The following UHRF1 variants were observed in gnomAD, a reference collection of about 807,000 sequenced individuals.
UHRF1 encodes E3 ubiquitin-protein ligase UHRF1.
In UHRF1, 9 loss-of-function variants were observed where a neutral mutation model predicts 96.5. The ratio of observed to expected loss-of-function variants is 0.09; its 90% CI spans 0.06 to 0.16. The LOEUF is 0.16. Ranked by LOEUF, UHRF1 falls within the 10% of genes least tolerant of loss-of-function variation. The probability of loss-of-function intolerance (pLI) is 1.00; values close to 1 mark genes in which losing one functional copy is unlikely to be tolerated. For missense variants in UHRF1, 626 were observed against 1,131.1 expected (o/e 0.55, Z 6.40); for synonymous variants, 455 against 469.9 (o/e 0.97, Z 0.41).
chr19:4,945,792 G>A, intron 9 of UHRF1, 69 bp from the exon 10 acceptor site: 1 of 1,346,240 alleles, frequency 7.4e-7, no homozygotes, highest in Non-Finnish European at 1.0e-6. Context: ...TAGGGAGGAG[G>A]AGGGCGGTGG....
intron 15 of UHRF1, among the ~76,000 whole-genome samples, chr19:4,956,254 T>TG (rs1276542695): frequency 3.9e-5 from 6 of 152,260 alleles, no homozygotes; most frequent in African/African-American, 1.2e-4. Flanking sequence ...TTTGTAGAGA[T>TG]GGGGGTCTCA....
At chr19:4,940,033 A>C (rs1053924573) in intron 5 of UHRF1, among the ~76,000 whole-genome samples, 4 of 152,028 alleles carry the variant, frequency 2.6e-5, no homozygotes, top group Middle Eastern at 3.2e-3. Flanking sequence ...AAAAAAAAAA[A>C]AAAAACACAT....
At chr19:4,960,384 CTT>C (rs1446261460) in intron 16 of UHRF1, among the ~76,000 whole-genome samples, 3 of 152,130 alleles carry the variant, frequency 2.0e-5, no homozygotes, top group African/African-American at 7.2e-5. Flanking sequence ...AGGGAGGTGA[CTT>C]GAGCTGAGCT....
rs1328307855 is a variant in UHRF1 at position 4,911,020 on chromosome 19, G to A, written c.135G>A (p.Leu45=). 1 of 1,605,874 alleles carries A rather than the reference G, an allele frequency of 6.2e-7. No homozygotes were observed. Among genetic ancestry groups the A allele is most frequent in the Admixed American group, 1.7e-5 (1 of 59,370 alleles). Residue 45 remains leucine (L), a synonymous_variant, in exon 2 of 17, where the codon CTG becomes CTA. Coordinates refer to ENST00000650932, the MANE Select transcript of UHRF1 (RefSeq NM_001048201.3). ...LFHVEPGLQR[L]FYRGKQMEDG... ...ACGTGGAGCCAGGCCTGCAGAGGCT[G>A]TTCTACAGGGGCAAACAGGTACACC... is the stretch of plus-strand genomic sequence containing the variant.
rs577477600 is a variant in UHRF1 at position 4,916,965 on chromosome 19, C to A, written c.153+5927C>A. On this transcript the variant is annotated intron_variant, in intron 2 of 16. Transcript: ENST00000650932. ...CTAAAGTTGGAGAACCACTGCTCCC[C>A]AAACCCGGTGGCATTATCTGCCCTG... Among the ~76,000 whole-genome samples, 9 of 152,144 alleles carry A rather than the reference C, an allele frequency of 5.9e-5. No homozygotes were observed. In the South Asian group the frequency reaches 1.7e-3, roughly 28 times the overall value.
In UHRF1 at chr19:4,930,490, G is replaced by A. The variant is rs954086873; in HGVS notation, c.409-226G>A. On this transcript the variant is annotated intron_variant, in intron 3 of 16. Coordinates refer to ENST00000650932, the MANE Select transcript of UHRF1 (RefSeq NM_001048201.3). The surrounding 1 kb of genome is among the most constrained non-coding windows in gnomAD (Gnocchi z 4.4). ...AGCTGTGGCTGAAGCAGAGCCGCAG[G>A]GGCCTTTGTTAAGACAGTCCATGCC... Among the ~76,000 whole-genome samples the A allele has an allele frequency of 6.6e-6, 1 of 152,222 alleles. No individual in the cohort carries two copies. Among genetic ancestry groups the A allele is most frequent in the African/African-American group, 2.4e-5 (1 of 41,470 alleles).
chr19:4,914,677 A>C (rs1227608257), intron 2 of UHRF1, among the ~76,000 whole-genome samples: 4 of 147,176 alleles, frequency 2.7e-5, no homozygotes, highest in Non-Finnish European at 6.0e-5. Flanking sequence ...TTTTGGCTGC[A>C]CATCAAAATA....
chr19:4,912,263 C>T (rs2032311634), intron 2 of UHRF1, among the ~76,000 whole-genome samples: 1 of 152,190 alleles, frequency 6.6e-6, no homozygotes, highest in Admixed American at 6.5e-5. Context: ...CTCCGCCTGG[C>T]GCTCTCTTCC....
chr19:4,931,283 T>A (rs553121000), intron 4 of UHRF1, among the ~76,000 whole-genome samples: 2 of 152,296 alleles, frequency 1.3e-5, no homozygotes, highest in East Asian at 3.9e-4. Context: ...TGGCTGCGTC[T>A]GTCCGTGCTG....
intron 16 of UHRF1, 130 bp downstream of exon 16, chr19:4,956,943 G>T: frequency 1.4e-6 from 1 of 707,312 alleles, no homozygotes; most frequent in South Asian, 1.6e-5. Flanking sequence ...AGCTTTTCTC[G>T]GGGCCCTGTT....
chr19:4,909,186 G>T (rs1039478377), upstream of UHRF1: 10 of 408,118 alleles, frequency 2.5e-5, no homozygotes, highest in Non-Finnish European at 4.4e-5. Flanking sequence ...GGCTGCGAAC[G>T]GACTTGGACT....
At chr19:4,908,200 T>G (rs1182243738), upstream of UHRF1, among the ~76,000 whole-genome samples, 3 of 152,114 alleles carry the variant, frequency 2.0e-5, no homozygotes, top group Non-Finnish European at 4.4e-5. Context: ...CTTTTAGCTG[T>G]GTAAGGCACT....
At chr19:4,909,439 C>T (rs1461907444), upstream of UHRF1, 1 of 653,604 alleles carries the variant, frequency 1.5e-6, no homozygotes, top group South Asian at 1.6e-5. Context: ...GGCGCCCGCC[C>T]CCGGCACGGC....
intron 2 of UHRF1, among the ~76,000 whole-genome samples, chr19:4,926,980 G>C (rs1392910141): frequency 6.6e-6 from 1 of 152,126 alleles, no homozygotes; most frequent in African/African-American, 2.4e-5. Flanking sequence ...GGAGAATGGC[G>C]AACCTGGGAG....
At chr19:4,911,084 C>CGCGCCTCTGCAGCCACCA (rs781263319) in intron 2 of UHRF1, 46 bp downstream of exon 2, 1 of 1,459,036 alleles carries the variant, frequency 6.9e-7, no homozygotes, top group South Asian at 1.4e-5. Context: ...GTCCAGGCCT[C>CGCGCCTCTGCAGCCACCA]GCGCCTCTGC....
At chr19:4,949,526 A>T (rs2033662321) in intron 11 of UHRF1, among the ~76,000 whole-genome samples, 1 of 151,894 alleles carries the variant, frequency 6.6e-6, no homozygotes, top group Admixed American at 6.6e-5. Flanking sequence ...TCAGTAACTA[A>T]GTACCTAAAA....
intron 2 of UHRF1, among the ~76,000 whole-genome samples, 152 bp downstream of exon 2, chr19:4,911,190 C>G (rs2032260685): frequency 6.6e-6 from 1 of 152,134 alleles, no homozygotes; most frequent in South Asian, 2.1e-4. Context: ...CCACAGAAAC[C>G]TCAAATGCCT....
chr19:4,946,966 A>G (rs935975337), intron 10 of UHRF1, 139 bp from the exon 11 acceptor site: 3 of 662,554 alleles, frequency 4.5e-6, no homozygotes, highest in African/African-American at 1.8e-5. Context: ...AAGGGCTCCA[A>G]TTTCCCCACA....
chr19:4,930,492 G>A lies in UHRF1; in HGVS notation c.409-224G>A, dbSNP rs1439803444. ...CTGTGGCTGAAGCAGAGCCGCAGGG[G>A]CCTTTGTTAAGACAGTCCATGCCCC... On this transcript the variant is annotated intron_variant, in intron 3 of 16. Coordinates refer to ENST00000650932, the MANE Select transcript of UHRF1 (RefSeq NM_001048201.3). This position sits in a 1 kb window ranked among gnomAD's most constrained non-coding sequence, Gnocchi z 4.4. Among the ~76,000 whole-genome samples the A allele has an allele frequency of 6.6e-6, 1 of 152,242 alleles. No homozygotes were observed.
Sources: allele counts gnomAD v4.1 joint callset (sites outside exome capture counted in the v4.1 genomes callset), GRCh38; gene constraint gnomAD v4.1.1; non-coding constraint Gnocchi (gnomAD v3.1); transcripts MANE v1.5; gene names NCBI Gene and HGNC (gene_info 2026-07-23, HGNC 2026-07-21).